TMEM232: variants seen among roughly 807,000 people sequenced by gnomAD.
TMEM232 encodes transmembrane protein 232.
TMEM232 carries 80 observed loss-of-function variants against 78.8 expected under a neutral mutation model. The observed-to-expected ratio is 1.01, with a 90% confidence interval of 0.85 to 1.22. The LOEUF (loss-of-function observed/expected upper bound fraction) is 1.22, where lower values mean the gene tolerates loss of function less well. TMEM232 is among the 50% of genes most tolerant of loss of function. The probability of loss-of-function intolerance (pLI) is 0.00; values close to 1 mark genes in which losing one functional copy is unlikely to be tolerated. For missense variants in TMEM232, 881 were observed against 742.2 expected (o/e 1.19, Z -2.17); for synonymous variants, 297 against 254.3 (o/e 1.17, Z -1.60).
At chr5:110,654,356 C>A (rs1788737696) in intron 2 of TMEM232, among the ~76,000 whole-genome samples, 1 of 152,156 alleles carries the variant, frequency 6.6e-6, no homozygotes, top group Non-Finnish European at 1.5e-5. Flanking sequence ...CCAGTTTCAG[C>A]TTTCTACATA....
At chr5:110,535,069 A>G (rs1051773776) in intron 11 of TMEM232, among the ~76,000 whole-genome samples, 11 of 152,140 alleles carry the variant, frequency 7.2e-5, no homozygotes, top group Admixed American at 7.2e-4. Flanking sequence ...TACTGTCCCA[A>G]CACTTTACCA....
intron 3 of TMEM232, among the ~76,000 whole-genome samples, chr5:110,393,733 G>T (rs1287815519): frequency 1.3e-5 from 2 of 151,972 alleles, no homozygotes; most frequent in African/African-American, 2.4e-5. Context: ...GTGGTGGGTG[G>T]ATCACCTGAG....
intron 2 of TMEM232, among the ~76,000 whole-genome samples, chr5:110,663,014 T>C (rs1790016280): frequency 6.6e-6 from 1 of 152,106 alleles, no homozygotes; most frequent in South Asian, 2.1e-4. Flanking sequence ...AAATTTTATA[T>C]ACATATCCTC....
chr5:110,577,012 A>T (rs776485166), intron 10 of TMEM232, among the ~76,000 whole-genome samples: 4 of 152,106 alleles, frequency 2.6e-5, no homozygotes, highest in Non-Finnish European at 5.9e-5. Flanking sequence ...AAGCATTGCA[A>T]CAAAGCAAAA....
chr5:110,738,148 C>A, upstream of TMEM232: 1 of 1,126,048 alleles, frequency 8.9e-7, no homozygotes, highest in Non-Finnish European at 1.1e-6. Flanking sequence ...GAATCCTGGG[C>A]TTCCAACGAG....
chr5:110,652,294 G>GCACACACA (rs70999969), intron 2 of TMEM232, among the ~76,000 whole-genome samples: 4,656 of 145,356 alleles, frequency 0.032, 95 homozygotes, highest in African/African-American at 0.056. Context: ...GCACGCGCGC[G>GCACACACA]CACACACACA....
At chr5:110,591,276 G>C (rs1216510693) in intron 10 of TMEM232, among the ~76,000 whole-genome samples, 3 of 152,066 alleles carry the variant, frequency 2.0e-5, no homozygotes, top group Non-Finnish European at 4.4e-5. Flanking sequence ...TGGGCAACAT[G>C]GCAAAACCTG....
chr5:110,636,352 G>A (rs1281179550), intron 5 of TMEM232, among the ~76,000 whole-genome samples: 1 of 151,862 alleles, frequency 6.6e-6, no homozygotes, highest in African/African-American at 2.4e-5. Flanking sequence ...CTAGAGTAGG[G>A]TGACTATACT....
intron 1 of TMEM232, among the ~76,000 whole-genome samples, chr5:110,698,090 T>C (rs947230390): frequency 3.3e-5 from 5 of 152,146 alleles, no homozygotes; most frequent in Non-Finnish European, 5.9e-5. Context: ...ATATATACCA[T>C]GGAATACTAT....
intron 12 of TMEM232, among the ~76,000 whole-genome samples, chr5:110,512,375 A>G (rs1478401287): frequency 6.6e-6 from 1 of 152,202 alleles, no homozygotes; most frequent in Non-Finnish European, 1.5e-5. Flanking sequence ...CACGAGCAGT[A>G]GTTCTAGACA....
intron 10 of TMEM232, among the ~76,000 whole-genome samples, chr5:110,600,406 A>T (rs899620715): frequency 2.6e-5 from 4 of 152,184 alleles, no homozygotes; most frequent in Non-Finnish European, 4.4e-5. Flanking sequence ...CAAAATAGAT[A>T]GAACGCTAGC....
intron 2 of TMEM232, among the ~76,000 whole-genome samples, chr5:110,655,147 C>A (rs976719088): frequency 1.3e-5 from 2 of 152,018 alleles, no homozygotes; most frequent in Non-Finnish European, 2.9e-5. Flanking sequence ...ATTTTTGCAA[C>A]CTACTCATCT....
intron 3 of TMEM232, among the ~76,000 whole-genome samples, chr5:110,394,355 G>T (rs1033287967): frequency 2.0e-5 from 3 of 152,126 alleles, no homozygotes; most frequent in Non-Finnish European, 4.4e-5. Context: ...ATCATCTGTT[G>T]TTGACCACTT....
chr5:110,666,226 G>A (rs1790570929), intron 2 of TMEM232, among the ~76,000 whole-genome samples: 1 of 152,010 alleles, frequency 6.6e-6, no homozygotes, highest in East Asian at 1.9e-4. Flanking sequence ...TTACTATCTG[G>A]TAGGCTGAAA....
chr5:110,691,371 T>C (rs186563182), intron 1 of TMEM232, among the ~76,000 whole-genome samples: 7 of 152,230 alleles, frequency 4.6e-5, no homozygotes, highest in Admixed American at 1.3e-4. Flanking sequence ...GCCCTTTGTC[T>C]TTGATGCAAA....
At chr5:110,435,263 T>C (rs1445057738) in intron 12 of TMEM232, among the ~76,000 whole-genome samples, 3 of 151,662 alleles carry the variant, frequency 2.0e-5, no homozygotes, top group Non-Finnish European at 4.4e-5. Flanking sequence ...AAATCAGTAG[T>C]GTTTACTTTA....
chr5:110,727,062 T>C (rs28445756), upstream of TMEM232, among the ~76,000 whole-genome samples: 1,844 of 152,206 alleles, frequency 0.012, 47 homozygotes, highest in African/African-American at 0.042. Flanking sequence ...TTTGGAGCAG[T>C]CAGTGTCCTC....
chr5:110,588,612 C>T (rs547212847), intron 10 of TMEM232, among the ~76,000 whole-genome samples: 1 of 152,100 alleles, frequency 6.6e-6, no homozygotes, highest in African/African-American at 2.4e-5. Context: ...GAAAATGAAT[C>T]GATTTATTTT....
At chr5:110,488,903 G>C (rs1013073886) in intron 12 of TMEM232, among the ~76,000 whole-genome samples, 1 of 151,824 alleles carries the variant, frequency 6.6e-6, no homozygotes, top group Non-Finnish European at 1.5e-5. Flanking sequence ...AAATCAAAAA[G>C]TTTATAAGGG....
Sources: gnomAD v4.1 joint callset for allele counts (sites outside exome capture counted in the v4.1 genomes callset) on GRCh38, gnomAD v4.1.1 for gene constraint, MANE v1.5 for transcripts, NCBI Gene and HGNC (gene_info 2026-07-23, HGNC 2026-07-21) for gene names.